MYO1H: variants seen among roughly 807,000 people sequenced by gnomAD.
MYO1H encodes the protein myosin IH, also known as unconventional myosin-Ih.
Under a neutral mutation model 149.3 loss-of-function variants are expected in MYO1H, and 118 were observed. The ratio of observed to expected loss-of-function variants is 0.79; its 90% CI spans 0.68 to 0.92. The LOEUF (loss-of-function observed/expected upper bound fraction) is 0.92, where lower values mean the gene tolerates loss of function less well. Among genes scored for constraint, MYO1H ranks in the 40% least tolerant of loss-of-function variants. The probability of loss-of-function intolerance (pLI) is 0.00; values close to 1 mark genes in which losing one functional copy is unlikely to be tolerated. For missense variants in MYO1H, 1,212 were observed against 1,280.7 expected, an observed-to-expected ratio of 0.95 and a Z score of 0.82; for synonymous variants, 447 against 465.2, an observed-to-expected ratio of 0.96 and a Z score of 0.50.
At chr12:109,327,572 C>T in the MYO1H span, among the ~76,000 whole-genome samples, 1 of 151,210 alleles carries the variant, frequency 6.6e-6, no homozygotes, top group Non-Finnish European at 1.5e-5. Flanking sequence ...ACGGCAAAAC[C>T]CTGTCTCTAC....
At chr12:109,380,838 C>T (rs946571652) in intron 1 of MYO1H, among the ~76,000 whole-genome samples, 3 of 151,980 alleles carry the variant, frequency 2.0e-5, no homozygotes, top group Non-Finnish European at 2.9e-5. Context: ...CCCAACTACT[C>T]GGGAGGCTGA....
At chr12:109,409,588 T>G in exon 11 of MYO1H, 1 of 1,613,882 alleles carries the variant, frequency 6.2e-7, no homozygotes, top group African/African-American at 1.3e-5. Flanking sequence ...ATTGGATTAC[T>G]GGACATCTAT....
intron 19 of MYO1H, 35 bp downstream of exon 19, chr12:109,427,621 C>T (rs757949916): frequency 1.5e-6 from 2 of 1,378,038 alleles, no homozygotes; most frequent in Non-Finnish European, 1.0e-6. Flanking sequence ...AGCCAATAGT[C>T]ATGTGCCTAC....
intron 30 of MYO1H, 47 bp from the exon 31 acceptor site, chr12:109,445,466 G>T: frequency 7.1e-7 from 1 of 1,409,660 alleles, no homozygotes; most frequent in Non-Finnish European, 9.9e-7. Flanking sequence ...AAGGTTGAGA[G>T]AAGAAAATAC....
chr12:109,404,646 T>C (rs1870299859), intron 7 of MYO1H, among the ~76,000 whole-genome samples: 1 of 152,232 alleles, frequency 6.6e-6, no homozygotes, highest in South Asian at 2.1e-4. Context: ...AACTGTGGGT[T>C]CTTTTATCTG....
At chr12:109,430,150 A>T (rs904173250) in intron 19 of MYO1H, among the ~76,000 whole-genome samples, 1 of 152,184 alleles carries the variant, frequency 6.6e-6, no homozygotes, top group Non-Finnish European at 1.5e-5. Flanking sequence ...TTCAGGGAAC[A>T]TCAATCAAGG....
the MYO1H span, among the ~76,000 whole-genome samples, chr12:109,314,192 CT>C: frequency 6.7e-6 from 1 of 149,312 alleles, no homozygotes; most frequent in Non-Finnish European, 1.5e-5. Context: ...GCCTTTTTTA[CT>C]TTTTTTCTTT....
At chr12:109,447,577 TTGA>T in exon 32 of MYO1H, 1 of 235,836 alleles carries the variant, frequency 4.2e-6, no homozygotes, top group Non-Finnish European at 8.6e-6. Flanking sequence ...TCGTTATATG[TTGA>T]TAAGACATCT....
intron 10 of MYO1H, among the ~76,000 whole-genome samples, chr12:109,408,544 C>T (rs986781922): frequency 7.2e-5 from 11 of 152,162 alleles, no homozygotes; most frequent in South Asian, 4.1e-4. Context: ...AACATATTTA[C>T]GAAAAAATAT....
At chr12:109,443,415 G>A (rs1328732708) in intron 27 of MYO1H, 99 bp from the exon 28 acceptor site, 1 of 1,359,960 alleles carries the variant, frequency 7.4e-7, no homozygotes, top group Non-Finnish European at 1.0e-6. Context: ...ATCTGTTTGA[G>A]CTTTTCTAAA....
intron 20 of MYO1H, among the ~76,000 whole-genome samples, chr12:109,433,316 A>C (rs368229144): frequency 6.6e-6 from 1 of 152,178 alleles, no homozygotes; most frequent in African/African-American, 2.4e-5. Context: ...GTGTGCCTGG[A>C]TTCTTTCACT....
intron 6 of MYO1H, among the ~76,000 whole-genome samples, chr12:109,402,172 A>T (rs1287942939): frequency 1.3e-5 from 2 of 152,218 alleles, no homozygotes. Context: ...TATAAAATTG[A>T]CTGTCAGAAT....
the MYO1H span, among the ~76,000 whole-genome samples, chr12:109,336,105 T>A: frequency 6.6e-6 from 1 of 152,050 alleles, no homozygotes; most frequent in Non-Finnish European, 1.5e-5. Context: ...TCTTAATTTT[T>A]AAAACCTTCA....
chr12:109,348,910 C>T (rs1275825123), intron 1 of MYO1H, among the ~76,000 whole-genome samples: 1 of 152,232 alleles, frequency 6.6e-6, no homozygotes, highest in Non-Finnish European at 1.5e-5. Context: ...CTAGCTACAG[C>T]TTGTCATTGA....
At chr12:109,367,712 C>T (rs944146933) in intron 1 of MYO1H, among the ~76,000 whole-genome samples, 8 of 151,732 alleles carry the variant, frequency 5.3e-5, no homozygotes, top group Non-Finnish European at 1.0e-4. Flanking sequence ...CCACCACACC[C>T]GGCTAATTTT....
At chr12:109,396,219 C>T (rs1869891805) in intron 3 of MYO1H, among the ~76,000 whole-genome samples, 165 bp from the exon 4 acceptor site, 2 of 152,188 alleles carry the variant, frequency 1.3e-5, no homozygotes, top group South Asian at 2.1e-4. Flanking sequence ...CACTGTGCCC[C>T]GCCTATGGAA....
At chr12:109,440,491 C>T in intron 24 of MYO1H, 1 of 436,908 alleles carries the variant, frequency 2.3e-6, no homozygotes, top group Non-Finnish European at 4.2e-6. Context: ...GTCAGAATCT[C>T]CAGGAATCTC....
chr12:109,391,405 A>G (rs917088289), intron 2 of MYO1H, among the ~76,000 whole-genome samples: 2 of 152,208 alleles, frequency 1.3e-5, no homozygotes, highest in Admixed American at 6.5e-5. Context: ...AGCAAAGGAC[A>G]TGATCTCGTT....
chr12:109,354,450 G>A (rs1184134706), intron 1 of MYO1H: 2 of 149,346 alleles, frequency 1.3e-5, no homozygotes, highest in African/African-American at 4.9e-5. Flanking sequence ...AAAAAAAAAA[G>A]AAAAGAAAAA....
Sources: gnomAD v4.1 joint callset for allele counts (sites outside exome capture counted in the v4.1 genomes callset) on GRCh38, gnomAD v4.1.1 for gene constraint, MANE v1.5 for transcripts, NCBI Gene and HGNC (gene_info 2026-07-23, HGNC 2026-07-21) for gene names.